Variants in FGD6 observed in about 807,000 individuals in gnomAD.
The protein encoded by FGD6 is FYVE, RhoGEF and PH domain-containing protein 6.
In FGD6, 90 loss-of-function variants were observed where a neutral mutation model predicts 149.4. That is an observed-to-expected ratio of 0.60 (90% CI 0.51 to 0.72). The LOEUF (loss-of-function observed/expected upper bound fraction) is 0.72, where lower values mean the gene tolerates loss of function less well. FGD6 is among the 30% of genes least tolerant of loss of function. The pLI is 0.00. For synonymous variants in FGD6, 527 were observed against 584.0 expected (o/e 0.90, Z 1.41); for missense variants, 1,437 against 1,684.8 (o/e 0.85, Z 2.57).
intron 2 of FGD6, among the ~76,000 whole-genome samples, chr12:95,190,845 G>C (rs940680395): frequency 6.6e-6 from 1 of 152,106 alleles, no homozygotes; most frequent in Non-Finnish European, 1.5e-5. Flanking sequence ...GAGGCCAGGA[G>C]TTTGAGACCA....
chr12:95,148,846 TATTATATATATTATATAA>T (rs1413285161), intron 5 of FGD6, among the ~76,000 whole-genome samples: 38 of 84,760 alleles, frequency 4.5e-4, no homozygotes, highest in African/African-American at 8.0e-4. Context: ...ATATAGCATA[TATTATATATATTATATAA>T]GATATAGCAT....
In FGD6 at chr12:95,080,675, CTT is replaced by C. The variant is rs1461651100; in HGVS notation, c.*843_*844del. 2.0e-5 allele frequency: 3 copies of C among 152,072 alleles called. No homozygotes were observed. Among genetic ancestry groups the C allele is most frequent in the African/African-American group, 7.2e-5 (3 of 41,388 alleles). 9.4% of individuals were successfully genotyped at this position (152,072 alleles called of 1,614,324 possible). A position where few individuals can be genotyped will look rare whatever the true frequency, so the allele number is the denominator to read the frequency against. On this transcript the variant is annotated 3_prime_UTR_variant, in exon 21 of 21. Transcript: ENST00000343958. ...TCATCATTGACTTGGGCTCAGAACT[CTT>C]ATAATAGCAGGGAATATTATGTGAC...
At chr12:95,099,315 G>A (rs894767329) in intron 14 of FGD6, among the ~76,000 whole-genome samples, 4 of 152,158 alleles carry the variant, frequency 2.6e-5, no homozygotes, top group African/African-American at 9.7e-5. Flanking sequence ...GATGGCTGTG[G>A]AGTTGTCTGG....
intron 20 of FGD6, among the ~76,000 whole-genome samples, chr12:95,083,819 ATTC>A (rs1216491512): frequency 2.0e-5 from 3 of 152,228 alleles, no homozygotes; most frequent in African/African-American, 7.2e-5. Flanking sequence ...ACAAAAATGT[ATTC>A]TTTTGTGAAG....
chr12:95,099,342 C>T (rs576465325), intron 14 of FGD6, among the ~76,000 whole-genome samples: 9 of 152,230 alleles, frequency 5.9e-5, no homozygotes, highest in East Asian at 1.9e-4. Flanking sequence ...TGGAGTCACA[C>T]GCAGATCCGT....
chr12:95,097,507 G>A (rs933020416), intron 14 of FGD6, among the ~76,000 whole-genome samples: 15 of 151,876 alleles, frequency 9.9e-5, no homozygotes, highest in African/African-American at 3.6e-4. Flanking sequence ...ATGGCGGTGC[G>A]CACCTGTAGT....
Position 95,076,862 on chromosome 12 carries a change from G to A in FGD6, c.*4658C>T, listed in dbSNP as rs1409783411. 6.6e-6 allele frequency: 1 copy of A among 151,018 alleles called. No individual in the cohort carries two copies. The highest frequency in any genetic ancestry group is 2.4e-5 in the African/African-American group (1 of 40,992). The allele number at this position is 151,018 out of a possible 1,614,324, so 9.4% of individuals were successfully genotyped here. On this transcript the variant is annotated 3_prime_UTR_variant, in exon 21 of 21. Transcript: ENST00000343958. ...AAGATACAAACTGTTATCATTTTAA[G>A]TACAAAGTATTTCTAGAAATACATT...
At chr12:95,206,634 G>A (rs139557618) in intron 2 of FGD6, among the ~76,000 whole-genome samples, 9 of 151,884 alleles carry the variant, frequency 5.9e-5, no homozygotes, top group African/African-American at 9.7e-5. Context: ...TACAGGCTGC[G>A]GTAAGCCTTG....
chr12:95,153,554 G>A (rs1249617953), intron 3 of FGD6, among the ~76,000 whole-genome samples: 3 of 152,130 alleles, frequency 2.0e-5, no homozygotes, highest in Non-Finnish European at 2.9e-5. Context: ...CCAGCTGCTC[G>A]GGAGTCTGAG....
intron 5 of FGD6, among the ~76,000 whole-genome samples, chr12:95,148,626 ATAGCATATGTTATATTATATATAT>A (rs1592851792): frequency 7.8e-6 from 1 of 128,078 alleles, no homozygotes; most frequent in African/African-American, 3.0e-5. Context: ...TATATAATAC[ATAGCATATGTTATATTATATATAT>A]TATATATTAT....
Position 95,209,481 on chromosome 12 carries a change from G to GA in FGD6, c.1802_1803insT (p.Arg602GlnfsTer15). 6.2e-7 allele frequency: 1 copy of GA among 1,612,514 alleles called. No individual in the cohort carries two copies. Among genetic ancestry groups the GA allele is most frequent in the South Asian group, 1.1e-5 (1 of 90,688 alleles). ...CCATAGCAGATAACGATTTTGCTCT[G>GA]GGCTTGGTTAGGGCTGTTGAAGGCT... On this transcript the variant is annotated frameshift_variant, in exon 2 of 21. Transcript: ENST00000343958. LOFTEE classifies it high-confidence loss of function.
chr12:95,171,099 A>T (rs1880975348), intron 3 of FGD6, among the ~76,000 whole-genome samples: 1 of 152,210 alleles, frequency 6.6e-6, no homozygotes, highest in Non-Finnish European at 1.5e-5. Flanking sequence ...TTCTATGAGT[A>T]CTATTCTTTT....
In FGD6 at chr12:95,177,853, G is replaced by A. The variant is rs543332140; in HGVS notation, c.2442-5109C>T. ...TTCTGTTACTTCAGTTCCCTTATAG[G>A]ACTGCAGATTCCACTGTCACAGTAA... is the stretch of plus-strand genomic sequence containing the variant. On this transcript the variant is annotated intron_variant, in intron 2 of 20. Transcript: ENST00000343958. Among the ~76,000 whole-genome samples the A allele has an allele frequency of 2.6e-4, 40 of 151,818 alleles. 1 individual carries two copies. In the South Asian group the frequency reaches 8.1e-3, roughly 31 times the overall value.
intron 2 of FGD6, among the ~76,000 whole-genome samples, chr12:95,194,783 T>C (rs1881696029): frequency 6.6e-6 from 1 of 152,164 alleles, no homozygotes; most frequent in African/African-American, 2.4e-5. Flanking sequence ...TCAATGTTAA[T>C]ATACTAGTTG....
intron 3 of FGD6, among the ~76,000 whole-genome samples, chr12:95,157,994 T>G (rs542562993): frequency 6.6e-6 from 1 of 151,952 alleles, no homozygotes; most frequent in Admixed American, 6.6e-5. Flanking sequence ...ACTACAGGCA[T>G]GCACTACTAC....
intron 8 of FGD6, among the ~76,000 whole-genome samples, chr12:95,130,537 T>C (rs1030376545): frequency 2.6e-5 from 4 of 152,206 alleles, no homozygotes; most frequent in African/African-American, 4.8e-5. Context: ...TTATCCAAAG[T>C]AATTAACATG....
intron 18 of FGD6, among the ~76,000 whole-genome samples, chr12:95,086,844 C>CT (rs35618842): frequency 0.09 from 8,389 of 92,794 alleles, 776 homozygotes; most frequent in Non-Finnish European, 0.12. Context: ...CCACACCGGC[C>CT]TTTTTTTTTT....
At chr12:95,206,696 A>G (rs61937945) in intron 2 of FGD6, among the ~76,000 whole-genome samples, 6 of 146,030 alleles carry the variant, frequency 4.1e-5, no homozygotes, top group Non-Finnish European at 9.0e-5. Context: ...CCTGTCTCCA[A>G]AGAAAAAAAA....
intron 8 of FGD6, among the ~76,000 whole-genome samples, chr12:95,133,819 C>T (rs1879590341): frequency 1.3e-5 from 2 of 152,100 alleles, no homozygotes; most frequent in African/African-American, 2.4e-5. Context: ...TGATGCCAAA[C>T]CACTTAATTT....
Sources: gnomAD v4.1 joint callset for allele counts (sites outside exome capture counted in the v4.1 genomes callset) on GRCh38, gnomAD v4.1.1 for gene constraint, MANE v1.5 for transcripts, NCBI Gene and HGNC (gene_info 2026-07-23, HGNC 2026-07-21) for gene names.